The following DNAH17 variants were observed in gnomAD, a reference collection of about 807,000 sequenced individuals.
The protein encoded by DNAH17 is dynein axonemal heavy chain 17.
DNAH17 carries 376 observed loss-of-function variants against 485.6 expected under a neutral mutation model. The ratio of observed to expected loss-of-function variants is 0.77; its 90% CI spans 0.71 to 0.84. DNAH17 has a LOEUF of 0.84. DNAH17 is among the 40% of genes least tolerant of loss of function. The probability of loss-of-function intolerance (pLI) is 0.00; values close to 1 mark genes in which losing one functional copy is unlikely to be tolerated. For synonymous variants in DNAH17, 3,031 were observed against 2,405.9 expected (o/e 1.26, Z -7.60); for missense variants, 6,370 against 5,839.3 (o/e 1.09, Z -2.96).
intron 62 of DNAH17, 124 bp downstream of exon 62, chr17:78,458,441 G>C (rs1193613754): frequency 1.3e-6 from 1 of 768,072 alleles, no homozygotes; most frequent in African/African-American, 1.7e-5. Context: ...AGCTCAAGAA[G>C]TGAAAGTGGC....
intron 78 of DNAH17, 147 bp downstream of exon 78, chr17:78,426,779 G>T: frequency 1.6e-6 from 2 of 1,277,234 alleles, no homozygotes; most frequent in African/African-American, 1.5e-5. Context: ...AGCTCCCGGG[G>T]CTTGTTCTGG....
chr17:78,468,538 G>A (rs577156691), intron 55 of DNAH17, 79 bp downstream of exon 55: 236 of 1,472,080 alleles, frequency 1.6e-4, no homozygotes, highest in Non-Finnish European at 1.8e-4. Flanking sequence ...CCTGCTCTAT[G>A]CAGAGCAAAA....
intron 14 of DNAH17, among the ~76,000 whole-genome samples, chr17:78,557,375 T>C (rs972877264): frequency 9.2e-5 from 14 of 152,080 alleles, no homozygotes; most frequent in African/African-American, 2.9e-4. Context: ...CCCAACACTT[T>C]GGGAGGCAGA....
intron 3 of DNAH17, 64 bp from the exon 4 acceptor site, chr17:78,571,846 T>TC: frequency 1.4e-6 from 2 of 1,451,668 alleles, no homozygotes; most frequent in Non-Finnish European, 1.9e-6. Flanking sequence ...CACCAAGCTC[T>TC]CCCATGAATC....
intron 49 of DNAH17, among the ~76,000 whole-genome samples, 176 bp downstream of exon 49, chr17:78,480,508 C>G (rs891074969): frequency 1.3e-5 from 2 of 152,214 alleles, no homozygotes; most frequent in African/African-American, 4.8e-5. Context: ...GGCTGGCTAG[C>G]TGCTCATCCT....
chr17:78,571,128 C>T, intron 5 of DNAH17, 95 bp from the exon 6 acceptor site: 4 of 1,320,236 alleles, frequency 3.0e-6, no homozygotes, highest in East Asian at 5.0e-5. Context: ...CCTGCTCCTT[C>T]AGGAAATGGG....
intron 19 of DNAH17, among the ~76,000 whole-genome samples, chr17:78,533,817 T>G (rs2091303056): frequency 6.6e-6 from 1 of 152,104 alleles, no homozygotes; most frequent in Non-Finnish European, 1.5e-5. Flanking sequence ...CCCAAATAGC[T>G]GGGATTACAG....
intron 16 of DNAH17, among the ~76,000 whole-genome samples, chr17:78,549,165 T>C (rs1302267377): frequency 6.6e-6 from 1 of 152,202 alleles, no homozygotes; most frequent in Non-Finnish European, 1.5e-5. Context: ...GTGGTTGTAA[T>C]AGGAGGCAGG....
At chr17:78,440,978 G>A in intron 72 of DNAH17, 73 bp downstream of exon 72, 2 of 1,532,168 alleles carry the variant, frequency 1.3e-6, no homozygotes, top group Non-Finnish European at 8.8e-7. Flanking sequence ...TGCTTTTGGT[G>A]TGCATTTTCC....
In DNAH17 at chr17:78,475,300, C is replaced by A; in HGVS notation, c.8489G>T (p.Gly2830Val). ...CACCTTGAGGTCGGGGATCCCGTAG[C>A]CCTTCTTGAGGGTGATCTGAAACAC... ...LDVFQITLKK[G>V]YGIPDLKIDL... Residue 2830 changes from glycine (G) to valine (V), a missense_variant, in exon 54 of 81, where the codon GGC (glycine) becomes GTC (valine). Coordinates refer to ENST00000389840, the MANE Select transcript of DNAH17 (RefSeq NM_173628.4). The A allele has an allele frequency of 6.2e-7, 1 of 1,614,022 alleles. No homozygotes were observed. Among genetic ancestry groups the A allele is most frequent in the Non-Finnish European group, 8.5e-7 (1 of 1,179,894 alleles).
At chr17:78,566,795 C>T in intron 10 of DNAH17, 65 bp from the exon 11 acceptor site, 2 of 1,382,632 alleles carry the variant, frequency 1.4e-6, no homozygotes, top group South Asian at 2.5e-5. Context: ...GCACCCTCTC[C>T]AGCCCCTGCC....
intron 75 of DNAH17, among the ~76,000 whole-genome samples, chr17:78,433,125 G>T (rs2086738718): frequency 6.6e-6 from 1 of 152,172 alleles, no homozygotes; most frequent in Non-Finnish European, 1.5e-5. Context: ...GAGTGAGGAG[G>T]AGGACCCAGG....
At chr17:78,485,181 G>A in intron 47 of DNAH17, 148 bp from the exon 48 acceptor site, 2 of 1,022,860 alleles carry the variant, frequency 2.0e-6, no homozygotes, top group South Asian at 3.4e-5. Context: ...CCTGGGAGTG[G>A]CCCTTGAGGG....
At chr17:78,427,758 G>A (rs894759049) in intron 77 of DNAH17, among the ~76,000 whole-genome samples, 3 of 152,132 alleles carry the variant, frequency 2.0e-5, no homozygotes, top group Non-Finnish European at 4.4e-5. Context: ...GGTCACCTGA[G>A]ATCAGGAGTT....
chr17:78,574,017 C>A (rs913967340), intron 2 of DNAH17, among the ~76,000 whole-genome samples: 1 of 152,154 alleles, frequency 6.6e-6, no homozygotes, highest in African/African-American at 2.4e-5. Flanking sequence ...TTTCTTAAGT[C>A]AAAGTCTCAA....
intron 75 of DNAH17, among the ~76,000 whole-genome samples, chr17:78,431,445 G>T (rs1443835280): frequency 1.5e-5 from 2 of 137,340 alleles, no homozygotes; most frequent in African/African-American, 5.7e-5. Context: ...ACCTGCTGAG[G>T]GAACCCCCCA....
At chr17:78,464,685 G>A (rs2088325764) in intron 56 of DNAH17, among the ~76,000 whole-genome samples, 1 of 152,216 alleles carries the variant, frequency 6.6e-6, no homozygotes, top group South Asian at 2.1e-4. Context: ...AGGCTTTCCA[G>A]CCAAGTGCTC....
rs1254275227 is a variant in DNAH17 at position 78,485,691 on chromosome 17, A to G, written c.7342T>C (p.Ser2448Pro). 25 of 1,613,788 alleles carry G rather than the reference A, an allele frequency of 1.5e-5. No individual in the cohort carries two copies. The highest frequency in any genetic ancestry group is 2.0e-5 in the Non-Finnish European group (24 of 1,179,878). ...TTCCCCACCAGCATCACCGGCCAGG[A>G]CTTCTCCATGAGCAGGTCCATGAAG... ...RYFMDLLMEK[S>P]WPVMLVGNAG... Residue 2448 changes from serine (S) to proline (P), a missense_variant, in exon 47 of 81, where the codon TCC becomes CCC. Ser to Pro is a moderately conservative substitution (Grantham distance 74). Transcript: ENST00000389840.
At chr17:78,428,479 G>A (rs983532514) in intron 77 of DNAH17, 46 bp downstream of exon 77, 1 of 1,553,388 alleles carries the variant, frequency 6.4e-7, no homozygotes, top group East Asian at 2.4e-5. Context: ...CTCAGTTCTA[G>A]ATCCTCCCCC....
Sources: allele counts gnomAD v4.1 joint callset (sites outside exome capture counted in the v4.1 genomes callset), GRCh38; gene constraint gnomAD v4.1.1; transcripts MANE v1.5; gene names NCBI Gene and HGNC (gene_info 2026-07-23, HGNC 2026-07-21).